The following FAM133B variants were observed in gnomAD, a reference collection of about 807,000 sequenced individuals.
FAM133B encodes the protein family with sequence similarity 133 member B.
A neutral mutation model predicts 46.4 loss-of-function variants in FAM133B; 25 were observed. The ratio of observed to expected loss-of-function variants is 0.54; its 90% CI spans 0.39 to 0.75. The LOEUF (loss-of-function observed/expected upper bound fraction) is 0.75. Among genes scored for constraint, FAM133B ranks in the 30% least tolerant of loss-of-function variants. The pLI is 0.00. For synonymous variants in FAM133B, 75 were observed against 86.0 expected, an observed-to-expected ratio of 0.87 and a Z score of 0.71; for missense variants, 205 against 277.6, an observed-to-expected ratio of 0.74 and a Z score of 1.86.
chr7:92,583,245 A>G (rs1794940351), intron 1 of FAM133B, among the ~76,000 whole-genome samples: 1 of 152,214 alleles, frequency 6.6e-6, no homozygotes, highest in Non-Finnish European at 1.5e-5. Flanking sequence ...AAGAACAAAT[A>G]TATGATTCCA....
intron 1 of FAM133B, chr7:92,589,921 A>G: frequency 2.6e-6 from 1 of 385,900 alleles, no homozygotes. Flanking sequence ...AAGTCTTCGG[A>G]GTTACATGGC....
intron 1 of FAM133B, among the ~76,000 whole-genome samples, chr7:92,586,476 C>A (rs2116426332): frequency 6.6e-6 from 1 of 152,280 alleles, no homozygotes; most frequent in East Asian, 1.9e-4. Flanking sequence ...AAGTGGGTGG[C>A]ATGGTTAAGC....
intron 8 of FAM133B, among the ~76,000 whole-genome samples, chr7:92,571,967 G>A (rs1794545484): frequency 6.6e-6 from 1 of 151,930 alleles, no homozygotes; most frequent in Non-Finnish European, 1.5e-5. Context: ...ACTATAAAGA[G>A]GATATTTTCT....
rs763516747 is a variant in FAM133B at position 92,565,967 on chromosome 7, C to T, written c.657+47G>A. The T allele has an allele frequency of 3.1e-6, 5 of 1,594,630 alleles. No homozygotes were observed. The Admixed American group carries it at 6.8e-5, about 22-fold the overall frequency. The stretch of plus-strand genomic sequence containing the variant: ...TTACCATGACTCATTTTATATTAAA[C>T]CAAAACACCTATTCTATTGTCTGTA... On this transcript the variant is annotated intron_variant, in intron 10 of 10. Coordinates refer to ENST00000445716, the MANE Select transcript of FAM133B (RefSeq NM_152789.4).
chr7:92,579,353 G>T lies in FAM133B; in HGVS notation c.165C>A (p.Ser55=). Residue 55 remains serine (S), a synonymous_variant, in exon 3 of 11, where the codon TCC becomes TCA. Coordinates refer to ENST00000445716, the MANE Select transcript of FAM133B (RefSeq NM_152789.4). Reference sequence around the variant, plus strand: ...TTTCTTCAAATTCAGCCAAAGCCTTGGAGCCTTTCTTTTTCTTTTCTAGTT... The same window carrying T: ...TTTCTTCAAATTCAGCCAAAGCCTTTGAGCCTTTCTTTTTCTTTTCTAGTT... The part of the protein sequence containing the change: ...KEQLEKKKKG[S]KALAEFEEKM... 6.2e-7 allele frequency: 1 copy of T among 1,609,592 alleles called. No individual in the cohort carries two copies. The highest frequency in any genetic ancestry group is 8.5e-7 in the Non-Finnish European group (1 of 1,178,798).
At position 92,577,155 on chromosome 7, in the gene FAM133B, CG is replaced by C. The variant is rs1562894246; in HGVS notation, c.412del (p.Arg138ValfsTer21). 6.7e-7 allele frequency: 1 copy of C among 1,495,676 alleles called. No homozygotes were observed. Among genetic ancestry groups the C allele is most frequent in the Non-Finnish European group, 8.9e-7 (1 of 1,119,742 alleles). 92.7% of individuals were successfully genotyped at this position (1,495,676 alleles called of 1,614,324 possible). ...QGKRRKKKKN[R>X]SHKSSESSMS... ...GGAGCTTTCAGAAGATTTATGTGAACGGTTCTTCTTTTTCTTTCTCCGTTTT... is the reference window on the plus strand; with the variant it reads ...GGAGCTTTCAGAAGATTTATGTGAACGTTCTTCTTTTTCTTTCTCCGTTTT... On this transcript the variant is annotated frameshift_variant, in exon 7 of 11. Transcript: ENST00000445716. LOFTEE classifies it high-confidence loss of function.
chr7:92,589,966 G>A (rs1795147975), intron 1 of FAM133B: 1 of 471,752 alleles, frequency 2.1e-6, no homozygotes, highest in Admixed American at 3.7e-5. Context: ...CCGAGCCCTC[G>A]CGGTTCTAAG....
chr7:92,578,639 T>C (rs1219756760), intron 3 of FAM133B, among the ~76,000 whole-genome samples: 2 of 152,212 alleles, frequency 1.3e-5, no homozygotes, highest in Non-Finnish European at 2.9e-5. Flanking sequence ...GCAGGCATTA[T>C]TACTGAAGCT....
intron 3 of FAM133B, 127 bp from the exon 4 acceptor site, chr7:92,578,520 A>G (rs557379752): frequency 4.2e-5 from 35 of 827,048 alleles, no homozygotes; most frequent in Non-Finnish European, 6.6e-5. Flanking sequence ...GCTTCTAATT[A>G]CAGTCAAAAG....
chr7:92,572,286 G>C (rs537216346), intron 8 of FAM133B, among the ~76,000 whole-genome samples: 10 of 152,346 alleles, frequency 6.6e-5, no homozygotes, highest in Non-Finnish European at 1.2e-4. Flanking sequence ...GGGTTGACAA[G>C]TATGTGAAAC....
chr7:92,578,648 C>A (rs1280909473), intron 3 of FAM133B, among the ~76,000 whole-genome samples: 1 of 152,178 alleles, frequency 6.6e-6, no homozygotes, highest in African/African-American at 2.4e-5. Context: ...ATTACTGAAG[C>A]TGAGGTCTCT....
intron 3 of FAM133B, among the ~76,000 whole-genome samples, 199 bp from the exon 4 acceptor site, chr7:92,578,592 A>G (rs540888845): frequency 6.6e-6 from 1 of 152,264 alleles, no homozygotes; most frequent in African/African-American, 2.4e-5. Context: ...CTTTTCAAAG[A>G]GCATATTAAG....
At position 92,578,194 on chromosome 7, in the gene FAM133B, C is replaced by T. The variant is rs776081021; in HGVS notation, c.277-12G>A. On this transcript the variant is annotated splice_polypyrimidine_tract_variant and intron_variant, in intron 4 of 10. Transcript: ENST00000445716. ...TCTTTTTTCTTTCTCTAAATGGAAA[C>T]AAAAGTACAAGTCTAAATAAGCTGA... 1.4e-5 allele frequency: 22 copies of T among 1,611,370 alleles called. No individual in the cohort carries two copies. The highest frequency in any genetic ancestry group is 1.7e-5 in the Non-Finnish European group (20 of 1,178,898).
intron 9 of FAM133B, among the ~76,000 whole-genome samples, chr7:92,566,961 A>T (rs1218820812): frequency 6.6e-6 from 1 of 152,222 alleles, no homozygotes; most frequent in Non-Finnish European, 1.5e-5. Context: ...CTGTGATCCC[A>T]GCGCTTTGAT....
At chr7:92,583,183 C>T (rs1794938839) in intron 1 of FAM133B, among the ~76,000 whole-genome samples, 1 of 152,078 alleles carries the variant, frequency 6.6e-6, no homozygotes, top group African/African-American at 2.4e-5. Flanking sequence ...CTATATGCAA[C>T]CTGGATGAGC....
chr7:92,565,345 G>A (rs1310018798), intron 10 of FAM133B, among the ~76,000 whole-genome samples: 12 of 149,246 alleles, frequency 8.0e-5, no homozygotes, highest in African/African-American at 3.0e-4. Context: ...TAGTAGAGAC[G>A]GGGTTTCACC....
chr7:92,583,170 A>C (rs1199697665), intron 1 of FAM133B, among the ~76,000 whole-genome samples: 2 of 152,246 alleles, frequency 1.3e-5, no homozygotes, highest in Admixed American at 1.3e-4. Flanking sequence ...ATTCTGATAC[A>C]TACTATATGC....
chr7:92,573,875 A>G (rs1167303240), intron 8 of FAM133B, among the ~76,000 whole-genome samples: 1 of 151,830 alleles, frequency 6.6e-6, no homozygotes, highest in Non-Finnish European at 1.5e-5. Flanking sequence ...TTTAAATTAA[A>G]TTTTATTTTT....
chr7:92,577,755 C>T (rs747580686), intron 5 of FAM133B, 38 bp from the exon 6 acceptor site: 13 of 1,501,430 alleles, frequency 8.7e-6, no homozygotes, highest in South Asian at 2.5e-5. Flanking sequence ...TTGTGAGATG[C>T]GAGAATGTTT....
Sources: allele counts gnomAD v4.1 joint callset (sites outside exome capture counted in the v4.1 genomes callset), GRCh38; gene constraint gnomAD v4.1.1; transcripts MANE v1.5; gene names NCBI Gene and HGNC (gene_info 2026-07-23, HGNC 2026-07-21).